FKBP15: variants seen among roughly 807,000 people sequenced by gnomAD.
FKBP15 encodes FK506-binding protein 15.
A neutral mutation model predicts 158.1 loss-of-function variants in FKBP15; 106 were observed. The ratio of observed to expected loss-of-function variants is 0.67; its 90% CI spans 0.57 to 0.79. The LOEUF (loss-of-function observed/expected upper bound fraction) is 0.79. Among genes scored for constraint, FKBP15 ranks in the 30% least tolerant of loss-of-function variants. FKBP15 has a pLI of 0.00. For synonymous variants in FKBP15, 547 were observed against 548.6 expected (o/e 1.00, Z 0.04); for missense variants, 1,287 against 1,479.1 (o/e 0.87, Z 2.13).
intron 17 of FKBP15, 40 bp from the exon 18 acceptor site, chr9:113,183,885 G>C: frequency 6.8e-7 from 1 of 1,466,542 alleles, no homozygotes; most frequent in East Asian, 2.3e-5. Context: ...AAGTGTCTTG[G>C]GAGAAAAGTG....
rs773712216 is a variant in FKBP15, at chr9:113,188,448, G to A, written c.1217C>T (p.Pro406Leu). 15 of 1,613,900 alleles carry A rather than the reference G, an allele frequency of 9.3e-6. No homozygotes were observed. The highest frequency in any genetic ancestry group is 1.7e-4 in the Middle Eastern group (1 of 6,054). The change falls in exon 13 of 28, where the codon CCG becomes CTG. Residue 406 changes from proline (P) to leucine (L), a missense_variant. Pro to Leu is a moderately conservative substitution (Grantham distance 98). Coordinates refer to ENST00000238256, the MANE Select transcript of FKBP15 (RefSeq NM_015258.2). Reference protein sequence around the residue: ...LQGGGQPVVTPSVQPSLHPAH... With the variant: ...LQGGGQPVVTLSVQPSLHPAH... ...CGGATGAAGAGAGGGCTGGACGGAC[G>A]GAGTCACCACAGGCTGCCCACCTCC...
chr9:113,176,455 C>A, intron 21 of FKBP15, 82 bp downstream of exon 21: 1 of 1,395,880 alleles, frequency 7.2e-7, no homozygotes, highest in South Asian at 1.4e-5. Context: ...TTACAATAAG[C>A]ACATACTATT....
chr9:113,182,623 T>C (rs1587957174), intron 19 of FKBP15, 143 bp downstream of exon 19: 3 of 662,108 alleles, frequency 4.5e-6, no homozygotes, highest in Non-Finnish European at 8.1e-6. Context: ...GATGAATACA[T>C]GAAAACCTGC....
chr9:113,199,963 C>G lies in FKBP15; in HGVS notation c.499G>C (p.Val167Leu), dbSNP rs1160761047. 6.2e-7 allele frequency: 1 copy of G among 1,609,768 alleles called. No individual in the cohort carries two copies. Among genetic ancestry groups the G allele is most frequent in the Non-Finnish European group, 8.5e-7 (1 of 1,178,290 alleles). The change falls in exon 7 of 28, where the codon GTG (valine) becomes CTG (leucine). Residue 167 changes from valine (V) to leucine (L), a missense_variant and splice_region_variant. Coordinates refer to ENST00000238256, the MANE Select transcript of FKBP15 (RefSeq NM_015258.2). ...EKAAVEFNKQ[V>L]CIAKCNSTSS... ...GTACTGTTGCACTTAGCAATGCACA[C>G]CTGCAAGACAAAATCAAAGCAGCAT... is the stretch of plus-strand genomic sequence containing the variant.
rs777015277 is a variant in FKBP15 at position 113,187,870 on chromosome 9, C to G, written c.1306G>C (p.Ala436Pro). ...APQPSVTGLQ[A>P]PSAALMQVSS... The stretch of plus-strand genomic sequence containing the variant: ...ACTTGCATTAAGGCAGCAGAAGGTG[C>G]CTGGAGCCCAGTAACAGATGGCTGA... Residue 436 changes from alanine to proline, a missense_variant, in exon 14 of 28, where the codon GCA becomes CCA. Coordinates refer to ENST00000238256, the MANE Select transcript of FKBP15 (RefSeq NM_015258.2). 6.2e-7 allele frequency: 1 copy of G among 1,613,702 alleles called. No homozygotes were observed. The highest frequency in any genetic ancestry group is 1.3e-5 in the African/African-American group (1 of 74,876).
intron 4 of FKBP15, 81 bp downstream of exon 4, chr9:113,206,428 A>T: frequency 9.3e-7 from 1 of 1,070,734 alleles, no homozygotes; most frequent in Non-Finnish European, 1.4e-6. Flanking sequence ...TAAACAAGAC[A>T]TCGGGCAAGC....
chr9:113,215,628 A>G lies in FKBP15; in HGVS notation c.54-4036T>C, dbSNP rs62576140. Among the ~76,000 whole-genome samples the G allele has an allele frequency of 1.9e-3, 211 of 111,708 alleles. 1 individual carries two copies. The highest frequency in any genetic ancestry group is 5.3e-3 in the Admixed American group (53 of 10,002). 73.3% of individuals were successfully genotyped at this position (111,708 alleles called of 152,430 possible). ...TGCGTGTGTGTGTGTGTGTGTGTAT[A>G]TATATATATATATATATTTTTTTTT... On this transcript the variant is annotated intron_variant, in intron 1 of 27. Coordinates refer to ENST00000238256, the MANE Select transcript of FKBP15 (RefSeq NM_015258.2).
chr9:113,166,889 T>A (rs1830107450), intron 27 of FKBP15, among the ~76,000 whole-genome samples: 1 of 152,202 alleles, frequency 6.6e-6, no homozygotes, highest in African/African-American at 2.4e-5. Context: ...CAGGGATTGA[T>A]GCTACAGACA....
Position 113,199,847 on chromosome 9 carries a change from G to T in FKBP15, c.615C>A (p.Thr205=), listed in dbSNP as rs533027475. Residue 205 remains threonine, a synonymous_variant, in exon 7 of 28, where the codon ACC becomes ACA. Coordinates refer to ENST00000238256, the MANE Select transcript of FKBP15 (RefSeq NM_015258.2). ...GCACATGATTCTGAAAGAGCCAGCCGGTATAGGCCACTTCCAAAGAATCTC... is the reference window on the plus strand; with the variant it reads ...GCACATGATTCTGAAAGAGCCAGCCTGTATAGGCCACTTCCAAAGAATCTC... ...EVGDSLEVAY[T]GWLFQNHVLG... 3 of 1,612,864 alleles carry T rather than the reference G, an allele frequency of 1.9e-6. No individual in the cohort carries two copies. Among genetic ancestry groups the T allele is most frequent in the Admixed American group, 3.3e-5 (2 of 59,870 alleles).
chr9:113,205,250 T>G (rs1830865653), intron 4 of FKBP15, among the ~76,000 whole-genome samples: 2 of 152,146 alleles, frequency 1.3e-5, no homozygotes, highest in Non-Finnish European at 2.9e-5. Flanking sequence ...GAAAAGATAA[T>G]CTATAAAATA....
At chr9:113,167,348 A>G (rs1016897315) in intron 27 of FKBP15, among the ~76,000 whole-genome samples, 11 of 152,238 alleles carry the variant, frequency 7.2e-5, no homozygotes, top group Admixed American at 3.3e-4. Context: ...ACTAATACCA[A>G]TAATATGCTC....
chr9:113,163,001 C>T lies in FKBP15; in HGVS notation c.*3077G>A. 7.9e-7 allele frequency: 1 copy of T among 1,258,066 alleles called. No homozygotes were observed. Among genetic ancestry groups the T allele is most frequent in the Non-Finnish European group, 1.1e-6 (1 of 932,580 alleles). The allele number at this position is 1,258,066 out of a possible 1,614,324, so 77.9% of individuals were successfully genotyped here. On this transcript the variant is annotated 3_prime_UTR_variant, in exon 28 of 28. Coordinates refer to ENST00000238256, the MANE Select transcript of FKBP15 (RefSeq NM_015258.2). ...ACTATACTTCCAACTGCCCTTTCTT[C>T]TGATGGCTATTCCTCCACCTTATTC...
rs1830441954 is a variant in FKBP15 at position 113,183,832 on chromosome 9, A to G, written c.1730T>C (p.Leu577Ser). The change falls in exon 18 of 28, where the codon TTG (leucine) becomes TCG (serine). Residue 577 changes from leucine to serine, a missense_variant. Physicochemically the swap from Leu to Ser is moderately radical, Grantham distance 145 (BLOSUM62 -2). Transcript: ENST00000238256. ...GCTCTTTTCAAGGATCTCTTGCTTC[A>G]ATCTTTCATTTTCCTAATTTCAAAA... ...IQRIIQENER[L>S]KQEILEKSNR... 6.2e-7 allele frequency: 1 copy of G among 1,612,554 alleles called. No homozygotes were observed. Among genetic ancestry groups the G allele is most frequent in the Non-Finnish European group, 8.5e-7 (1 of 1,178,898 alleles).
chr9:113,168,535 A>C lies in FKBP15; in HGVS notation c.3507T>G (p.Asp1169Glu). The stretch of plus-strand genomic sequence containing the variant: ...TCAGAGTTGCCCCTTTAAACAGTTC[A>C]TCCTCTTCATCCCCAGAGAGACTGA... Reference protein sequence around the residue: ...QRSSLSGDEEDELFKGATLKA... With the variant: ...QRSSLSGDEEEELFKGATLKA... The change falls in exon 27 of 28, where the codon GAT (aspartate) becomes GAG (glutamate). Residue 1169 changes from aspartate (D) to glutamate (E), a missense_variant. Coordinates refer to ENST00000238256, the MANE Select transcript of FKBP15 (RefSeq NM_015258.2). The C allele has an allele frequency of 1.2e-6, 2 of 1,613,908 alleles. No individual in the cohort carries two copies. The highest frequency in any genetic ancestry group is 1.7e-6 in the Non-Finnish European group (2 of 1,179,834).
intron 7 of FKBP15, 125 bp from the exon 8 acceptor site, chr9:113,199,048 G>A: frequency 1.5e-6 from 1 of 652,020 alleles, no homozygotes. Flanking sequence ...ATACTGGGAA[G>A]ATAGTTTCTA....
chr9:113,186,215 C>G, intron 15 of FKBP15, 34 bp downstream of exon 15: 7 of 1,434,866 alleles, frequency 4.9e-6, no homozygotes, highest in Non-Finnish European at 5.8e-6. Context: ...ACAGCAAGAG[C>G]GGAAGATGAG....
chr9:113,212,904 C>T (rs1442021036), intron 1 of FKBP15, among the ~76,000 whole-genome samples: 1 of 152,118 alleles, frequency 6.6e-6, no homozygotes, highest in African/African-American at 2.4e-5. Flanking sequence ...ACATAGATAT[C>T]CCACAGGCAA....
chr9:113,176,956 T>A (rs1214336052), intron 20 of FKBP15, among the ~76,000 whole-genome samples: 1 of 152,176 alleles, frequency 6.6e-6, no homozygotes, highest in East Asian at 1.9e-4. Flanking sequence ...TTCCCAATCC[T>A]ACCACACAAG....
chr9:113,164,216 T>C lies in FKBP15; in HGVS notation c.*1862A>G, dbSNP rs904846176. The C allele has an allele frequency of 6.6e-6, 1 of 152,320 alleles. No individual in the cohort carries two copies. Among genetic ancestry groups the C allele is most frequent in the Non-Finnish European group, 1.5e-5 (1 of 68,052 alleles). The allele number at this position is 152,320 out of a possible 1,614,324, so 9.4% of individuals were successfully genotyped here. A position where few individuals can be genotyped will look rare whatever the true frequency, so the allele number is the denominator to read the frequency against. ...AACAACTGCAGGGGCTGAGTGGGGC[T>C]AATAGAACTGGTAGTACTCTTTATA... On this transcript the variant is annotated 3_prime_UTR_variant, in exon 28 of 28. Transcript: ENST00000238256.
Sources: allele counts gnomAD v4.1 joint callset (sites outside exome capture counted in the v4.1 genomes callset), GRCh38; gene constraint gnomAD v4.1.1; transcripts MANE v1.5; gene names NCBI Gene and HGNC (gene_info 2026-07-23, HGNC 2026-07-21).